The following HMMR variants were observed in gnomAD, a reference collection of about 807,000 sequenced individuals.
HMMR encodes intracellular hyaluronic acid-binding protein.
A neutral mutation model predicts 101.0 loss-of-function variants in HMMR; 108 were observed. That is an observed-to-expected ratio of 1.07 (90% CI 0.92 to 1.25). HMMR has a LOEUF of 1.25. Among genes scored for constraint, HMMR ranks in the 50% most tolerant of loss-of-function variants. The probability of loss-of-function intolerance (pLI) is 0.00; values close to 1 mark genes in which losing one functional copy is unlikely to be tolerated. For synonymous variants in HMMR, 296 were observed against 276.4 expected, an observed-to-expected ratio of 1.07 and a Z score of -0.70; for missense variants, 813 against 788.7, an observed-to-expected ratio of 1.03 and a Z score of -0.37.
chr5:163,471,092 C>G, intron 5 of HMMR, 93 bp from the exon 6 acceptor site: 1 of 749,728 alleles, frequency 1.3e-6, no homozygotes, highest in Non-Finnish European at 2.2e-6. Context: ...AAAACATAAC[C>G]CCAGTGATAG....
chr5:163,484,591 CAT>C (rs1277263335), intron 16 of HMMR, among the ~76,000 whole-genome samples: 1 of 152,162 alleles, frequency 6.6e-6, no homozygotes, highest in Non-Finnish European at 1.5e-5. Context: ...AATTTTTTAA[CAT>C]ATGTATTGAG....
rs547164879 is a variant in HMMR at position 163,479,670 on chromosome 5, C to T, written c.1385+870C>T. On this transcript the variant is annotated intron_variant, in intron 12 of 17. Transcript: ENST00000393915. Reference sequence around the variant, plus strand: ...AGAGCAAGACTGTCTCAAAAACAAACGAAAAATAAATAAAATACATAAGTT... The same window carrying T: ...AGAGCAAGACTGTCTCAAAAACAAATGAAAAATAAATAAAATACATAAGTT... Among the ~76,000 whole-genome samples, 13 of 152,128 alleles carry T rather than the reference C, an allele frequency of 8.5e-5. 1 individual carries two copies. In the East Asian group the frequency reaches 9.7e-4, roughly 11 times the overall value.
rs1235749906 is a variant in HMMR, at chr5:163,478,689, A to AG, written c.1276dup (p.Ala426GlyfsTer2). On this transcript the variant is annotated frameshift_variant, in exon 12 of 18. Transcript: ENST00000393915. LOFTEE classifies it high-confidence loss of function. Reference sequence around the variant, plus strand: ...CAATTATTTCTTTTTCTTAGGAAGGAGGCTGAACTGGAGAAAAGTAGTGCT... The same window carrying AG: ...CAATTATTTCTTTTTCTTAGGAAGGAGGGCTGAACTGGAGAAAAGTAGTGCT... The AG allele has an allele frequency of 6.3e-7, 1 of 1,596,854 alleles. No homozygotes were observed.
In HMMR at chr5:163,475,021, G is replaced by A. The variant is rs190299139; in HGVS notation, c.1054-437G>A. Among the ~76,000 whole-genome samples the A allele has an allele frequency of 1.9e-4, 29 of 152,032 alleles. No homozygotes were observed. The East Asian group carries it at 2.7e-3, about 14-fold the overall frequency. Reference sequence around the variant, plus strand: ...AAAACTAAAATTAGGGGGGGAAGTCGTCAAAGATAATATTAACATCATTTG... The same window carrying A: ...AAAACTAAAATTAGGGGGGGAAGTCATCAAAGATAATATTAACATCATTTG... On this transcript the variant is annotated intron_variant, in intron 10 of 17. Transcript: ENST00000393915.
rs1220523394 is a variant in HMMR at position 163,484,055 on chromosome 5, A to G, written c.1786-14A>G. The stretch of plus-strand genomic sequence containing the variant: ...TGTTTTAAGTCTTAACTTTATTTAA[A>G]AAATCTTTTTCAGCTACAACTAGAT... On this transcript the variant is annotated splice_polypyrimidine_tract_variant and intron_variant, in intron 15 of 17. Coordinates refer to ENST00000393915, the MANE Select transcript of HMMR (RefSeq NM_001142556.2). The G allele has an allele frequency of 6.5e-7, 1 of 1,529,910 alleles. No individual in the cohort carries two copies. The highest frequency in any genetic ancestry group is 2.0e-5 in the Admixed American group (1 of 49,372). The allele number at this position is 1,529,910 out of a possible 1,614,324, so 94.8% of individuals were successfully genotyped here.
intron 7 of HMMR, among the ~76,000 whole-genome samples, chr5:163,472,129 C>G (rs1265562692): frequency 6.6e-6 from 1 of 151,596 alleles, no homozygotes; most frequent in African/African-American, 2.4e-5. Context: ...GTGATACCAC[C>G]CTGGCCTTCA....
intron 5 of HMMR, among the ~76,000 whole-genome samples, 179 bp from the exon 6 acceptor site, chr5:163,471,006 G>GA (rs557207154): frequency 1.1e-4 from 17 of 150,682 alleles, no homozygotes; most frequent in Non-Finnish European, 1.3e-4. Flanking sequence ...AAAAAGAAAA[G>GA]AAAAAAAAAT....
In HMMR at chr5:163,484,050, T is replaced by A. The variant is rs377482614; in HGVS notation, c.1786-19T>A. The A allele has an allele frequency of 6.7e-7, 1 of 1,499,740 alleles. No individual in the cohort carries two copies. Among genetic ancestry groups the A allele is most frequent in the Non-Finnish European group, 9.1e-7 (1 of 1,096,922 alleles). The allele number at this position is 1,499,740 out of a possible 1,614,324, so 92.9% of individuals were successfully genotyped here. On this transcript the variant is annotated intron_variant, in intron 15 of 17. Transcript: ENST00000393915. ...CAAACTGTTTTAAGTCTTAACTTTATTTAAAAAATCTTTTTCAGCTACAAC... is the reference window on the plus strand; with the variant it reads ...CAAACTGTTTTAAGTCTTAACTTTAATTAAAAAATCTTTTTCAGCTACAAC...
chr5:163,473,558 G>A lies in HMMR; in HGVS notation c.904+1G>A. On this transcript the variant is annotated splice_donor_variant, in intron 9 of 17. Transcript: ENST00000393915. LOFTEE classifies it high-confidence loss of function. ...TGTCAGCTGCTTGAAAAAGAAAAAG[G>A]TATTACAGTGTTTTATAGTTACTTT... The A allele has an allele frequency of 6.5e-7, 1 of 1,539,538 alleles. No homozygotes were observed. Among genetic ancestry groups the A allele is most frequent in the Non-Finnish European group, 8.8e-7 (1 of 1,132,742 alleles).
At position 163,460,759 on chromosome 5, in the gene HMMR, TG is replaced by T; in HGVS notation, c.46+26del. The T allele has an allele frequency of 1.9e-6, 3 of 1,602,408 alleles. No individual in the cohort carries two copies. In the South Asian group the frequency reaches 3.4e-5, roughly 18 times the overall value. On this transcript the variant is annotated intron_variant, in intron 1 of 17. Coordinates refer to ENST00000393915, the MANE Select transcript of HMMR (RefSeq NM_001142556.2). ...TTCTGGTGCGTAAGGGGGAAAGAGC[TG>T]GGGGACGGGAGACGCCCTAACGCCC...
chr5:163,484,259 CTT>C lies in HMMR; in HGVS notation c.1962+17_1962+18del, dbSNP rs1561646571. On this transcript the variant is annotated intron_variant, in intron 16 of 17. Coordinates refer to ENST00000393915, the MANE Select transcript of HMMR (RefSeq NM_001142556.2). The stretch of plus-strand genomic sequence containing the variant: ...CAACTCAAATCGGTTTGTAAAATGA[CTT>C]TTCATTTTATTAAAGATATTGGAGT... 8 of 1,464,344 alleles carry C rather than the reference CTT, an allele frequency of 5.5e-6. No homozygotes were observed. The highest frequency in any genetic ancestry group is 1.8e-4 in the Middle Eastern group (1 of 5,666). The allele number at this position is 1,464,344 out of a possible 1,614,324, so 90.7% of individuals were successfully genotyped here. A position where few individuals can be genotyped will look rare whatever the true frequency, so the allele number is the denominator to read the frequency against.
chr5:163,470,156 C>G (rs992943256), intron 5 of HMMR, among the ~76,000 whole-genome samples: 5 of 151,982 alleles, frequency 3.3e-5, no homozygotes, highest in Admixed American at 1.3e-4. Context: ...CAAGAGAGTG[C>G]GACTCCATCT....
intron 10 of HMMR, among the ~76,000 whole-genome samples, chr5:163,474,772 T>G (rs550806761): frequency 7.2e-5 from 11 of 152,202 alleles, no homozygotes; most frequent in Admixed American, 5.9e-4. Context: ...TGGTGAGAGT[T>G]AAGCCAACAG....
chr5:163,486,866 G>A (rs1211530339), intron 16 of HMMR, among the ~76,000 whole-genome samples: 1 of 152,228 alleles, frequency 6.6e-6, no homozygotes, highest in Non-Finnish European at 1.5e-5. Context: ...ATCACCTGAG[G>A]TCAGGAGTTT....
At position 163,483,021 on chromosome 5, in the gene HMMR, A is replaced by G. The variant is rs1759328686; in HGVS notation, c.1534A>G (p.Met512Val). The G allele has an allele frequency of 1.9e-6, 3 of 1,583,606 alleles. No homozygotes were observed. The highest frequency in any genetic ancestry group is 2.6e-6 in the Non-Finnish European group (3 of 1,170,708). ...TESSNQEYVR[M>V]LLDLQTKSAL... The stretch of plus-strand genomic sequence containing the variant: ...GACCTCTTCTCTCTCAAACCAAAGG[A>G]TGCTTCTAGATCTGCAGACCAAGTC... Residue 512 changes from methionine (M) to valine (V), a missense_variant and splice_region_variant, in exon 14 of 18, where the codon ATG (methionine) becomes GTG (valine). Physicochemically the swap from Met to Val is conservative, Grantham distance 21. Transcript: ENST00000393915.
In HMMR at chr5:163,491,243, AT is replaced by A; in HGVS notation, c.*83del. On this transcript the variant is annotated 3_prime_UTR_variant, in exon 18 of 18. Coordinates refer to ENST00000393915, the MANE Select transcript of HMMR (RefSeq NM_001142556.2). ...TGCTGTTATTATATTTGACATGGGT[AT>A]TTTATAATGTTGTATTTAATTTTAA... The A allele has an allele frequency of 1.3e-6, 1 of 774,928 alleles. No individual in the cohort carries two copies. Among genetic ancestry groups the A allele is most frequent in the Non-Finnish European group, 2.1e-6 (1 of 472,726 alleles). The allele number at this position is 774,928 out of a possible 1,614,324, so 48.0% of individuals were successfully genotyped here.
intron 5 of HMMR, among the ~76,000 whole-genome samples, chr5:163,470,410 T>G (rs890164243): frequency 6.6e-6 from 1 of 151,926 alleles, no homozygotes; most frequent in Admixed American, 6.6e-5. Context: ...TCACTTGAGG[T>G]CAGGATTTTG....
At chr5:163,461,987 A>G (rs1307545572) in intron 1 of HMMR, among the ~76,000 whole-genome samples, 1 of 152,230 alleles carries the variant, frequency 6.6e-6, no homozygotes, top group Non-Finnish European at 1.5e-5. Flanking sequence ...TTTCGTGGTT[A>G]CTCATTACGT....
At chr5:163,463,117 T>C (rs368691049) in intron 1 of HMMR, among the ~76,000 whole-genome samples, 1 of 152,204 alleles carries the variant, frequency 6.6e-6, no homozygotes, top group Non-Finnish European at 1.5e-5. Context: ...TCTGGGACTT[T>C]AGTTAAGTGA....
Sources: allele counts gnomAD v4.1 joint callset (sites outside exome capture counted in the v4.1 genomes callset), GRCh38; gene constraint gnomAD v4.1.1; transcripts MANE v1.5; gene names NCBI Gene and HGNC (gene_info 2026-07-23, HGNC 2026-07-21).